The following MYO5B variants were observed in gnomAD, a reference collection of about 807,000 sequenced individuals.
The protein encoded by MYO5B is unconventional myosin-Vb.
Under a neutral mutation model 229.3 loss-of-function variants are expected in MYO5B, and 143 were observed. The observed-to-expected ratio is 0.62, with a 90% CI of 0.54 to 0.72. The LOEUF (loss-of-function observed/expected upper bound fraction) is 0.72. MYO5B is among the 30% of genes least tolerant of loss of function. The probability of loss-of-function intolerance (pLI) is 0.00; values close to 1 mark genes in which losing one functional copy is unlikely to be tolerated. For synonymous variants in MYO5B, 918 were observed against 885.2 expected (o/e 1.04, Z -0.66); for missense variants, 2,321 against 2,331.0 (o/e 1.00, Z 0.09).
At chr18:50,050,872 C>A (rs561799392) in intron 2 of MYO5B, among the ~76,000 whole-genome samples, 4 of 152,324 alleles carry the variant, frequency 2.6e-5, no homozygotes, top group South Asian at 4.1e-4. Context: ...GCAAAAGATT[C>A]TTACATAATG....
intron 28 of MYO5B, among the ~76,000 whole-genome samples, 200 bp downstream of exon 28, chr18:49,863,941 C>T (rs1598841236): frequency 6.6e-6 from 1 of 152,194 alleles, no homozygotes; most frequent in Non-Finnish European, 1.5e-5. Context: ...AGTCCAGAAG[C>T]TTGTAGCTGC....
chr18:50,122,457 A>AAAAAAAAC (rs1475848770), intron 1 of MYO5B, among the ~76,000 whole-genome samples: 1 of 146,336 alleles, frequency 6.8e-6, no homozygotes, highest in African/African-American at 2.6e-5. Context: ...AAAAAAAAAA[A>AAAAAAAAC]AAAATCAGCC....
intron 4 of MYO5B, among the ~76,000 whole-genome samples, chr18:50,019,555 C>T (rs2026252512): frequency 6.6e-6 from 1 of 152,228 alleles, no homozygotes; most frequent in Admixed American, 6.5e-5. Flanking sequence ...AACTAAATTG[C>T]CATAATGGCT....
intron 10 of MYO5B, among the ~76,000 whole-genome samples, chr18:49,966,293 G>C (rs141369844): frequency 6.6e-6 from 1 of 152,162 alleles, no homozygotes; most frequent in Non-Finnish European, 1.5e-5. Context: ...CCATGCCCAC[G>C]TGTGAGAAAT....
At chr18:50,076,282 A>G (rs2031075735) in intron 1 of MYO5B, among the ~76,000 whole-genome samples, 1 of 152,190 alleles carries the variant, frequency 6.6e-6, no homozygotes, top group Admixed American at 6.5e-5. Context: ...AGTGAGCTGA[A>G]CTGTAAGCTG....
chr18:50,161,151 C>T (rs372640889), intron 1 of MYO5B, among the ~76,000 whole-genome samples: 3 of 152,238 alleles, frequency 2.0e-5, no homozygotes, highest in South Asian at 4.1e-4. Flanking sequence ...CAGGAGCCCA[C>T]GGCAGGCAGA....
At chr18:50,188,178 A>G (rs1370048115) in intron 1 of MYO5B, among the ~76,000 whole-genome samples, 1 of 152,186 alleles carries the variant, frequency 6.6e-6, no homozygotes, top group Non-Finnish European at 1.5e-5. Flanking sequence ...CATCTAGCTC[A>G]TACCTGTCCC....
intron 4 of MYO5B, among the ~76,000 whole-genome samples, chr18:50,029,369 GAGAC>G (rs766551260): frequency 3.3e-5 from 5 of 152,180 alleles, no homozygotes; most frequent in Non-Finnish European, 5.9e-5. Flanking sequence ...CAAGAAATAA[GAGAC>G]AGGGCCGGAG....
intron 1 of MYO5B, among the ~76,000 whole-genome samples, chr18:50,147,352 A>G (rs965687465): frequency 6.6e-6 from 1 of 152,066 alleles, no homozygotes; most frequent in Admixed American, 6.5e-5. Context: ...TTTCTCCTCT[A>G]ATCCCTGCCA....
intron 1 of MYO5B, among the ~76,000 whole-genome samples, chr18:50,161,620 C>T (rs1403360534): frequency 6.6e-6 from 1 of 152,200 alleles, no homozygotes; most frequent in African/African-American, 2.4e-5. Flanking sequence ...CTGCTAGCTA[C>T]AGCCACTACC....
At chr18:49,964,300 G>A (rs2025597289) in intron 10 of MYO5B, among the ~76,000 whole-genome samples, 1 of 152,146 alleles carries the variant, frequency 6.6e-6, no homozygotes, top group Non-Finnish European at 1.5e-5. Flanking sequence ...TCTTTATTGA[G>A]TTAGCCTTTA....
intron 1 of MYO5B, among the ~76,000 whole-genome samples, chr18:50,156,730 A>G (rs563120077): frequency 3.3e-5 from 5 of 152,332 alleles, no homozygotes; most frequent in African/African-American, 1.2e-4. Context: ...GTAGCCCAAT[A>G]CATTCTAGGA....
chr18:49,980,335 A>C (rs1171414956), intron 9 of MYO5B, 109 bp downstream of exon 9: 1 of 839,944 alleles, frequency 1.2e-6, no homozygotes, highest in Non-Finnish European at 2.0e-6. Context: ...ATTACTGTTA[A>C]GAATAAATAA....
rs762934648 is a variant in MYO5B at position 49,974,666 on chromosome 18, C to G, written c.1057-51G>C. On this transcript the variant is annotated intron_variant, in intron 9 of 39. Coordinates refer to ENST00000285039, the MANE Select transcript of MYO5B (RefSeq NM_001080467.3). ...CAGGAGGAGTGTGGGAGACAAGCCG[C>G]CCCCCACCAATGTCTTCCACCCTCC... 6.3e-6 allele frequency: 10 copies of G among 1,584,602 alleles called. No individual in the cohort carries two copies. In the African/African-American group the frequency reaches 1.3e-4, roughly 21 times the overall value.
chr18:50,174,869 C>G (rs180715758), intron 1 of MYO5B, among the ~76,000 whole-genome samples: 42 of 152,332 alleles, frequency 2.8e-4, no homozygotes, highest in African/African-American at 9.6e-4. Flanking sequence ...CAGAAGGTGT[C>G]TGGCCTCAGA....
intron 4 of MYO5B, among the ~76,000 whole-genome samples, chr18:50,033,688 G>A (rs1181556123): frequency 6.6e-6 from 1 of 152,132 alleles, no homozygotes; most frequent in African/African-American, 2.4e-5. Context: ...AAGAAGTGGA[G>A]GTAAGCCCCT....
chr18:50,192,196 A>G (rs1301494265), intron 1 of MYO5B, among the ~76,000 whole-genome samples: 2 of 152,256 alleles, frequency 1.3e-5, no homozygotes, highest in African/African-American at 2.4e-5. Flanking sequence ...GACCGAAAAC[A>G]AAGTTGAGCA....
intron 2 of MYO5B, 72 bp from the exon 3 acceptor site, chr18:50,040,386 T>C: frequency 7.2e-7 from 1 of 1,380,726 alleles, no homozygotes; most frequent in South Asian, 1.2e-5. Flanking sequence ...TGTCCTGTCT[T>C]CTTAGCTGGA....
intron 1 of MYO5B, among the ~76,000 whole-genome samples, chr18:50,121,900 C>G (rs917049800): frequency 6.6e-6 from 1 of 152,232 alleles, no homozygotes; most frequent in Non-Finnish European, 1.5e-5. Context: ...TCACTGCAAT[C>G]TGTAAAGTCT....
Sources: gnomAD v4.1 joint callset for allele counts (sites outside exome capture counted in the v4.1 genomes callset) on GRCh38, gnomAD v4.1.1 for gene constraint, MANE v1.5 for transcripts, NCBI Gene and HGNC (gene_info 2026-07-23, HGNC 2026-07-21) for gene names.